Variants in GALNT6 observed in about 807,000 individuals in gnomAD.
GALNT6 encodes the protein GalNAc transferase 6.
In GALNT6, 51 loss-of-function variants were observed where a neutral mutation model predicts 65.9. The ratio of observed to expected loss-of-function variants is 0.77; its 90% CI spans 0.62 to 0.98. GALNT6 has a LOEUF of 0.98. Ranked by LOEUF, GALNT6 falls within the 50% of genes least tolerant of loss-of-function variation. The probability of loss-of-function intolerance (pLI) is 0.00; values close to 1 mark genes in which losing one functional copy is unlikely to be tolerated. For missense variants in GALNT6, 708 were observed against 803.3 expected (o/e 0.88, Z 1.43); for synonymous variants, 323 against 315.1 (o/e 1.02, Z -0.26).
At chr12:51,355,411 C>G (rs544767323) in intron 11 of GALNT6, among the ~76,000 whole-genome samples, 3 of 152,122 alleles carry the variant, frequency 2.0e-5, no homozygotes, top group African/African-American at 7.2e-5. Context: ...CACCCCATGG[C>G]GTCTCAGGAA....
intron 4 of GALNT6, among the ~76,000 whole-genome samples, chr12:51,367,548 G>A (rs1031517986): frequency 2.0e-5 from 3 of 152,208 alleles, no homozygotes; most frequent in Non-Finnish European, 4.4e-5. Context: ...TCTCTGCCAC[G>A]GTTCTGTTCT....
At chr12:51,370,286 T>C (rs1947250854) in intron 4 of GALNT6, among the ~76,000 whole-genome samples, 1 of 152,254 alleles carries the variant, frequency 6.6e-6, no homozygotes, top group Non-Finnish European at 1.5e-5. Context: ...GGCTCACGCC[T>C]GTAATCTCAG....
chr12:51,365,363 G>A (rs1034004711), intron 5 of GALNT6, 67 bp downstream of exon 5: 106 of 1,446,024 alleles, frequency 7.3e-5, no homozygotes, highest in Admixed American at 3.4e-4. Context: ...GGGAGGCTGT[G>A]GCCCTGGCTC....
At chr12:51,378,267 C>T (rs1201108315) in intron 3 of GALNT6, among the ~76,000 whole-genome samples, 1 of 152,122 alleles carries the variant, frequency 6.6e-6, no homozygotes, top group Non-Finnish European at 1.5e-5. Context: ...CGATTCTTGT[C>T]CTTCAGCCTT....
At chr12:51,365,838 C>G (rs1412728195) in intron 4 of GALNT6, among the ~76,000 whole-genome samples, 1 of 152,172 alleles carries the variant, frequency 6.6e-6, no homozygotes, top group Non-Finnish European at 1.5e-5. Context: ...AGATCCTATG[C>G]CTGTTCACCT....
intron 4 of GALNT6, among the ~76,000 whole-genome samples, chr12:51,370,706 G>T (rs1359557922): frequency 6.6e-6 from 1 of 152,068 alleles, no homozygotes; most frequent in Non-Finnish European, 1.5e-5. Flanking sequence ...ACAGCGTGGA[G>T]AATTCATGTT....
Position 51,379,792 on chromosome 12 carries a change from C to T in GALNT6, c.-11G>A. The T allele has an allele frequency of 6.3e-7, 1 of 1,594,628 alleles. No homozygotes were observed. The highest frequency in any genetic ancestry group is 1.3e-5 in the African/African-American group (1 of 74,774). On this transcript the variant is annotated 5_prime_UTR_variant, in exon 3 of 12. Coordinates refer to ENST00000356317, the MANE Select transcript of GALNT6 (RefSeq NM_007210.4). ...GCGGAGGAGCCTCATCCTCCAGAACCAAGGGGCACCCCAGCTGCGTCAGCT... is the reference window on the plus strand; with the variant it reads ...GCGGAGGAGCCTCATCCTCCAGAACTAAGGGGCACCCCAGCTGCGTCAGCT...
intron 10 of GALNT6, 135 bp from the exon 11 acceptor site, chr12:51,356,093 T>G (rs1034239710): frequency 1.5e-6 from 1 of 685,658 alleles, no homozygotes; most frequent in Admixed American, 2.7e-5. Flanking sequence ...CTTTACTCAT[T>G]TATGTGCTGC....
In GALNT6 at chr12:51,381,055, G is replaced by A. The variant is rs140410357; in HGVS notation, c.-103-1171C>T. Among the ~76,000 whole-genome samples, 255 of 152,194 alleles carry A rather than the reference G, an allele frequency of 1.7e-3. 1 individual carries two copies. Among genetic ancestry groups the A allele is most frequent in the African/African-American group, 5.5e-3 (230 of 41,536 alleles). ...GGAGTTCAAGACCAGTCTGCTCAAC[G>A]TATTGAGAGCCCATCTCAATAAAAA... On this transcript the variant is annotated intron_variant, in intron 2 of 11. Coordinates refer to ENST00000356317, the MANE Select transcript of GALNT6 (RefSeq NM_007210.4).
intron 4 of GALNT6, 30 bp from the exon 5 acceptor site, chr12:51,365,609 C>T (rs779914107): frequency 6.2e-7 from 1 of 1,607,028 alleles, no homozygotes; most frequent in Non-Finnish European, 8.5e-7. Flanking sequence ...TGTGGCCAGT[C>T]CACCACTTTG....
At chr12:51,369,865 G>A (rs1439100956) in intron 4 of GALNT6, among the ~76,000 whole-genome samples, 1 of 152,008 alleles carries the variant, frequency 6.6e-6, no homozygotes, top group African/African-American at 2.4e-5. Context: ...CTGCTTTTCT[G>A]CCTTCTATAC....
chr12:51,360,151 T>C (rs1233504753), intron 7 of GALNT6: 3 of 152,264 alleles, frequency 2.0e-5, no homozygotes, highest in Admixed American at 6.5e-5. Context: ...CCTTGCTTCC[T>C]GACCTAATCC....
chr12:51,359,045 G>T, intron 8 of GALNT6, 87 bp downstream of exon 8: 1 of 1,028,918 alleles, frequency 9.7e-7, no homozygotes, highest in African/African-American at 1.6e-5. Flanking sequence ...TAGAGATGAG[G>T]TGGGTCCCAG....
chr12:51,359,241 C>A lies in GALNT6; in HGVS notation c.1259G>T (p.Gly420Val), dbSNP rs1476427303. 4 of 1,613,794 alleles carry A rather than the reference C, an allele frequency of 2.5e-6. No individual in the cohort carries two copies. The highest frequency in any genetic ancestry group is 3.4e-6 in the Non-Finnish European group (4 of 1,179,770). The change falls in exon 8 of 12, where the codon GGC (glycine) becomes GTC (valine). Residue 420 changes from glycine (G) to valine (V), a missense_variant. Physicochemically the swap from Gly to Val is moderately radical, Grantham distance 109. Transcript: ENST00000356317. ...RTKSPHTFPK[G>V]TSVIARNQVR... Reference sequence around the variant, plus strand: ...TTGATTGCGAGCAATGACACTAGTGCCCTTGGGGAAGGTGTGGGGGCTCTT... The same window carrying A: ...TTGATTGCGAGCAATGACACTAGTGACCTTGGGGAAGGTGTGGGGGCTCTT...
At position 51,359,032 on chromosome 12, in the gene GALNT6, T is replaced by C. The variant is rs909380685; in HGVS notation, c.1368+100A>G. 55 of 895,862 alleles carry C rather than the reference T, an allele frequency of 6.1e-5. No individual in the cohort carries two copies. The African/African-American group carries it at 7.7e-4, about 13-fold the overall frequency. The allele number at this position is 895,862 out of a possible 1,614,324, so 55.5% of individuals were successfully genotyped here. A position where few individuals can be genotyped will look rare whatever the true frequency, so the allele number is the denominator to read the frequency against. On this transcript the variant is annotated intron_variant, in intron 8 of 11. Transcript: ENST00000356317. ...CCTGAGGGTGAAGGGAGGCGCCAGA[T>C]GGTAGAGATGAGGTGGGTCCCAGCC...
At position 51,352,421 on chromosome 12, in the gene GALNT6, T is replaced by C. The variant is rs985072952; in HGVS notation, c.*1958A>G. The C allele has an allele frequency of 1.3e-5, 2 of 152,330 alleles. No homozygotes were observed. Among genetic ancestry groups the C allele is most frequent in the East Asian group, 3.9e-4 (2 of 5,188 alleles). 9.4% of individuals were successfully genotyped at this position (152,330 alleles called of 1,614,324 possible). Reference sequence around the variant, plus strand: ...ACTCAGTTTCATAATATGAAAATGATAGGGTTGGGCTACGTGATTTTCACG... The same window carrying C: ...ACTCAGTTTCATAATATGAAAATGACAGGGTTGGGCTACGTGATTTTCACG... On this transcript the variant is annotated 3_prime_UTR_variant, in exon 12 of 12. Coordinates refer to ENST00000356317, the MANE Select transcript of GALNT6 (RefSeq NM_007210.4).
chr12:51,356,823 G>C (rs540398627), intron 10 of GALNT6, among the ~76,000 whole-genome samples: 3 of 152,308 alleles, frequency 2.0e-5, no homozygotes, highest in African/African-American at 7.2e-5. Context: ...TTGCAGGCCA[G>C]TGGTACAGGA....
intron 2 of GALNT6, among the ~76,000 whole-genome samples, chr12:51,385,807 G>A (rs1359970529): frequency 1.3e-5 from 2 of 151,968 alleles, no homozygotes; most frequent in Non-Finnish European, 2.9e-5. Context: ...TCTAGCACAA[G>A]TTTTACATAT....
chr12:51,374,667 C>G (rs1443512936), intron 4 of GALNT6, among the ~76,000 whole-genome samples: 7 of 152,096 alleles, frequency 4.6e-5, no homozygotes, highest in Admixed American at 3.3e-4. Context: ...TGGGAGAGCC[C>G]CAGACACCAC....
Sources: allele counts gnomAD v4.1 joint callset (sites outside exome capture counted in the v4.1 genomes callset), GRCh38; gene constraint gnomAD v4.1.1; transcripts MANE v1.5; gene names NCBI Gene and HGNC (gene_info 2026-07-23, HGNC 2026-07-21).